ATP6V1C2: variants seen among roughly 807,000 people sequenced by gnomAD.
ATP6V1C2 encodes the protein V-type proton ATPase subunit C 2.
Under a neutral mutation model 56.8 loss-of-function variants are expected in ATP6V1C2, and 45 were observed. The ratio of observed to expected loss-of-function variants is 0.79; its 90% CI spans 0.62 to 1.02. The LOEUF is 1.02. ATP6V1C2 is among the 50% of genes least tolerant of loss of function. ATP6V1C2 has a pLI of 0.00. For missense variants in ATP6V1C2, 463 were observed against 519.7 expected (o/e 0.89, Z 1.06); for synonymous variants, 220 against 201.3 (o/e 1.09, Z -0.79).
chr2:10,769,782 G>C (rs1382401471), intron 6 of ATP6V1C2, among the ~76,000 whole-genome samples: 2 of 152,144 alleles, frequency 1.3e-5, no homozygotes, highest in African/African-American at 4.8e-5. Flanking sequence ...CCTGAACAGG[G>C]TGGGGTGGGG....
intron 3 of ATP6V1C2, among the ~76,000 whole-genome samples, chr2:10,738,936 C>T (rs1662400603): frequency 6.6e-6 from 1 of 152,170 alleles, no homozygotes; most frequent in Admixed American, 6.5e-5. Flanking sequence ...CTCAGCACGT[C>T]CATCGAAGCC....
chr2:10,728,794 AG>A (rs1197137457), intron 3 of ATP6V1C2, among the ~76,000 whole-genome samples: 5 of 146,794 alleles, frequency 3.4e-5, no homozygotes, highest in African/African-American at 1.3e-4. Context: ...AAAAAAAAAA[AG>A]TGTATGAGGA....
chr2:10,783,173 G>C lies in ATP6V1C2; in HGVS notation c.1195-1G>C, dbSNP rs775592865. The C allele has an allele frequency of 1.2e-6, 2 of 1,610,818 alleles. No homozygotes were observed. The highest frequency in any genetic ancestry group is 2.7e-5 in the African/African-American group (2 of 74,842). ...GAGCATTACCATGTCTTCTTTTGTA[G>C]GCATCTGTGGAGATCCCGGGACTGC... On this transcript the variant is annotated splice_acceptor_variant, in intron 13 of 13. Transcript: ENST00000272238. LOFTEE classifies it high-confidence loss of function.
intron 2 of ATP6V1C2, among the ~76,000 whole-genome samples, chr2:10,725,007 ATTAC>A (rs1661563787): frequency 6.6e-6 from 1 of 152,000 alleles, no homozygotes; most frequent in Non-Finnish European, 1.5e-5. Context: ...TCAGAACCTA[ATTAC>A]TTTTTAACAT....
chr2:10,776,488 A>G (rs2148510577), intron 10 of ATP6V1C2, among the ~76,000 whole-genome samples: 1 of 152,262 alleles, frequency 6.6e-6, no homozygotes, highest in African/African-American at 2.4e-5. Flanking sequence ...CCCAGACACC[A>G]GGCAGGAAAG....
chr2:10,771,804 C>T, intron 6 of ATP6V1C2, 35 bp from the exon 7 acceptor site: 1 of 1,554,970 alleles, frequency 6.4e-7, no homozygotes, highest in Non-Finnish European at 8.9e-7. Context: ...TTTCTGCTCA[C>T]ATCTTTCACA....
intron 3 of ATP6V1C2, among the ~76,000 whole-genome samples, chr2:10,734,396 G>A (rs912905508): frequency 5.9e-5 from 9 of 152,196 alleles, no homozygotes; most frequent in East Asian, 5.8e-4. Context: ...GGATTTTGAC[G>A]TCTTCTTGTG....
chr2:10,773,187 G>A (rs1664742404), intron 8 of ATP6V1C2, among the ~76,000 whole-genome samples: 1 of 152,222 alleles, frequency 6.6e-6, no homozygotes, highest in Non-Finnish European at 1.5e-5. Flanking sequence ...GAGGAGCAGA[G>A]GGTCTGAAAT....
chr2:10,778,297 C>T (rs555073573), intron 11 of ATP6V1C2, among the ~76,000 whole-genome samples: 11 of 152,332 alleles, frequency 7.2e-5, no homozygotes, highest in African/African-American at 2.6e-4. Context: ...TGCTGAAAGC[C>T]CCAAGGTCAG....
At chr2:10,762,950 C>A (rs879891987) in intron 4 of ATP6V1C2, among the ~76,000 whole-genome samples, 1 of 152,142 alleles carries the variant, frequency 6.6e-6, no homozygotes, top group Admixed American at 6.5e-5. Context: ...GAGGACTCCC[C>A]CAGAGTGTGT....
At position 10,778,800 on chromosome 2, in the gene ATP6V1C2, G is replaced by C; in HGVS notation, c.1061+131G>C. The stretch of plus-strand genomic sequence containing the variant: ...CTCCTTTCTGAGACTGTGGCTGTTG[G>C]CAACACGCTCAATTCCGAGTCAAGT... On this transcript the variant is annotated intron_variant, in intron 12 of 13. Transcript: ENST00000272238. 3 of 823,176 alleles carry C rather than the reference G, an allele frequency of 3.6e-6. No homozygotes were observed. The South Asian group carries it at 4.6e-5, about 13-fold the overall frequency. The allele number at this position is 823,176 out of a possible 1,614,324, so 51.0% of individuals were successfully genotyped here. A position where few individuals can be genotyped will look rare whatever the true frequency, so the allele number is the denominator to read the frequency against.
intron 1 of ATP6V1C2, among the ~76,000 whole-genome samples, chr2:10,721,958 G>T (rs1431152555): frequency 6.6e-6 from 1 of 152,252 alleles, no homozygotes; most frequent in Non-Finnish European, 1.5e-5. Context: ...CGTTGGGTCT[G>T]CGCGGGGTTA....
Position 10,726,514 on chromosome 2 carries a change from G to A in ATP6V1C2, c.142G>A (p.Asp48Asn). 1 of 1,613,990 alleles carries A rather than the reference G, an allele frequency of 6.2e-7. No homozygotes were observed. The highest frequency in any genetic ancestry group is 8.5e-7 in the Non-Finnish European group (1 of 1,179,892). The change falls in exon 3 of 14, where the codon GAT (aspartate) becomes AAT (asparagine). Residue 48 changes from aspartate to asparagine, a missense_variant. Physicochemically the swap from Asp to Asn is conservative, Grantham distance 23. Transcript: ENST00000272238. The part of the protein sequence containing the change: ...AIPDFKVGTL[D>N]SLVGLSDELG... ...ATGATCTGTCTAGGTGGGGACCTTG[G>A]ATTCCCTGGTTGGCCTCTCTGATGA...
chr2:10,762,149 T>TTC (rs1280408514), intron 4 of ATP6V1C2, among the ~76,000 whole-genome samples: 1 of 151,414 alleles, frequency 6.6e-6, no homozygotes, highest in East Asian at 1.9e-4. Context: ...GCATAAATTT[T>TTC]TTTTTTTTTT....
intron 1 of ATP6V1C2, among the ~76,000 whole-genome samples, chr2:10,722,032 A>C (rs947490147): frequency 2.0e-5 from 3 of 152,186 alleles, no homozygotes; most frequent in African/African-American, 7.2e-5. Context: ...AGGTTCCACC[A>C]GGGGTCTCTG....
chr2:10,753,347 C>T (rs1663327311), intron 3 of ATP6V1C2, among the ~76,000 whole-genome samples: 1 of 152,168 alleles, frequency 6.6e-6, no homozygotes, highest in Admixed American at 6.6e-5. Flanking sequence ...AATAATCCCT[C>T]AGCTGGATAT....
intron 3 of ATP6V1C2, among the ~76,000 whole-genome samples, chr2:10,752,060 C>T (rs531031693): frequency 6.6e-6 from 1 of 151,764 alleles, no homozygotes; most frequent in South Asian, 2.1e-4. Context: ...TGACATCCTG[C>T]CTCAAAAAAA....
rs1558431895 is a variant in ATP6V1C2, at chr2:10,782,373, G to C, written c.1192G>C (p.Asp398His). The change falls in exon 13 of 14, where the codon GAT becomes CAT. Residue 398 changes from aspartate (D) to histidine (H), a missense_variant and splice_region_variant. By Grantham distance (81) the Asp-to-His change is moderately conservative. Coordinates refer to ENST00000272238, the MANE Select transcript of ATP6V1C2 (RefSeq NM_001039362.2). ...LDEVAATSIL[D>H]ASVEIPGLQL... Reference sequence around the variant, plus strand: ...TGAAGTAGCCGCTACAAGTATACTGGATGTAGGTATCCAGAAACAGCAGTA... The same window carrying C: ...TGAAGTAGCCGCTACAAGTATACTGCATGTAGGTATCCAGAAACAGCAGTA... 13 of 1,613,754 alleles carry C rather than the reference G, an allele frequency of 8.1e-6. No homozygotes were observed. Among genetic ancestry groups the C allele is most frequent in the Non-Finnish European group, 1.1e-5 (13 of 1,179,970 alleles).
At chr2:10,738,878 G>A (rs1387905238) in intron 3 of ATP6V1C2, among the ~76,000 whole-genome samples, 1 of 152,188 alleles carries the variant, frequency 6.6e-6, no homozygotes, top group Non-Finnish European at 1.5e-5. Context: ...AGTAAGGACG[G>A]AGTCCTGTGG....
Sources: gnomAD v4.1 joint callset for allele counts (sites outside exome capture counted in the v4.1 genomes callset) on GRCh38, gnomAD v4.1.1 for gene constraint, MANE v1.5 for transcripts, NCBI Gene and HGNC (gene_info 2026-07-23, HGNC 2026-07-21) for gene names.